The following DCLRE1B variants were observed in gnomAD, a reference collection of about 807,000 sequenced individuals.
DCLRE1B encodes DNA cross-link repair 1B, also known as 5' exonuclease Apollo.
Under a neutral mutation model 19.8 loss-of-function variants are expected in DCLRE1B, and 6 were observed. That is an observed-to-expected ratio of 0.30 (90% confidence interval 0.17 to 0.60). The LOEUF (loss-of-function observed/expected upper bound fraction) is 0.60. Ranked by LOEUF, DCLRE1B falls within the 20% of genes least tolerant of loss-of-function variation. The pLI is 0.87. For synonymous variants in DCLRE1B, 258 were observed against 255.7 expected (o/e 1.01, Z -0.09); for missense variants, 622 against 654.2 (o/e 0.95, Z 0.54).
At chr1:113,906,867 A>C in intron 1 of DCLRE1B, 129 bp from the exon 2 acceptor site, 8 of 989,144 alleles carry the variant, frequency 8.1e-6, no homozygotes, top group Non-Finnish European at 1.2e-5. Flanking sequence ...GGGAATCCCC[A>C]TTACAGCTTC....
At chr1:113,906,872 A>G in intron 1 of DCLRE1B, 124 bp from the exon 2 acceptor site, 1 of 1,030,516 alleles carries the variant, frequency 9.7e-7, no homozygotes, top group East Asian at 2.4e-5. Context: ...TCCCCATTAC[A>G]GCTTCTGCTC....
chr1:113,908,175 A>G lies in DCLRE1B; in HGVS notation c.522A>G (p.Gln174=), dbSNP rs1235962177. Residue 174 remains glutamine, a synonymous_variant, in exon 3 of 4, where the codon CAA becomes CAG. Coordinates refer to ENST00000650450, the MANE Select transcript of DCLRE1B (RefSeq NM_022836.4). ...TCCAGCTCATTCGAAAACACCCACA[A>G]CATAACATAAAGATTGGTGAGTTGT... is the stretch of plus-strand genomic sequence containing the variant. ...QIVQLIRKHP[Q]HNIKIGLYSL... The G allele has an allele frequency of 6.2e-7, 1 of 1,613,722 alleles. No homozygotes were observed. Among genetic ancestry groups the G allele is most frequent in the East Asian group, 2.2e-5 (1 of 44,870 alleles).
rs763252884 is a variant in DCLRE1B at position 113,908,078 on chromosome 1, T to C, written c.425T>C (p.Leu142Ser). Residue 142 changes from leucine (L) to serine (S), a missense_variant, in exon 3 of 4, where the codon TTA (leucine) becomes TCA (serine). Physicochemically the swap from Leu to Ser is moderately radical, Grantham distance 145 (BLOSUM62 -2). Coordinates refer to ENST00000650450, the MANE Select transcript of DCLRE1B (RefSeq NM_022836.4). Reference sequence around the variant, plus strand: ...ACACTGGGGAAACAGATCCATACTTTATACCTAGACAACACCAATTGCAAT... The same window carrying C: ...ACACTGGGGAAACAGATCCATACTTCATACCTAGACAACACCAATTGCAAT... ...ALTLGKQIHT[L>S]YLDNTNCNPA... 1.9e-6 allele frequency: 3 copies of C among 1,614,212 alleles called. No homozygotes were observed. The highest frequency in any genetic ancestry group is 1.7e-5 in the Admixed American group (1 of 60,024).
chr1:113,910,753 C>G (rs558896854), intron 3 of DCLRE1B, among the ~76,000 whole-genome samples: 1 of 152,300 alleles, frequency 6.6e-6, no homozygotes, highest in Admixed American at 6.5e-5. Flanking sequence ...GCCTCAGCCT[C>G]CTAAAATTGT....
In DCLRE1B at chr1:113,905,622, A is replaced by G. The variant is rs1330526655; in HGVS notation, c.36A>G (p.Ala12=). Residue 12 remains alanine (A), a synonymous_variant, in exon 1 of 4, where the codon GCA becomes GCG. Transcript: ENST00000650450. ...NGVLIPHTPI[A]VDFWSLRRAG... is the part of the protein sequence containing the mutation. ...TCCTGATCCCCCATACGCCCATCGC[A>G]GTGGACTTCTGGAGCCTGCGCCGGG... 1 of 1,614,150 alleles carries G rather than the reference A, an allele frequency of 6.2e-7. No homozygotes were observed. The highest frequency in any genetic ancestry group is 1.1e-5 in the South Asian group (1 of 91,086).
At position 113,906,046 on chromosome 1, in the gene DCLRE1B, CTTTTTTTTTTTTTTTT is replaced by C. The variant is rs1159693224; in HGVS notation, c.189+284_189+299del. ...CTAGGCCGATGTTTCCCAAACTTGC[CTTTTTTTTTTTTTTTT>C]TTTTTTTTTTTTGAGACGGAGTCTC... is the stretch of plus-strand genomic sequence containing the variant. On this transcript the variant is annotated intron_variant, in intron 1 of 3. Transcript: ENST00000650450. 1.2e-4 allele frequency among the ~76,000 whole-genome samples: 8 copies of C among 68,108 alleles called. No homozygotes were observed. In the South Asian group the frequency reaches 3.8e-3, roughly 32 times the overall value. 44.7% of individuals were successfully genotyped at this position (68,108 alleles called of 152,430 possible). A position where few individuals can be genotyped will look rare whatever the true frequency, so the allele number is the denominator to read the frequency against.
chr1:113,910,813 C>T (rs1370367489), intron 3 of DCLRE1B, among the ~76,000 whole-genome samples: 4 of 152,140 alleles, frequency 2.6e-5, no homozygotes, highest in Non-Finnish European at 5.9e-5. Context: ...ATATCTTTAA[C>T]GTTGCTCTTA....
At chr1:113,905,815 A>C in intron 1 of DCLRE1B, 40 bp downstream of exon 1, 2 of 1,578,132 alleles carry the variant, frequency 1.3e-6, no homozygotes, top group Middle Eastern at 1.7e-4. Context: ...TGGTCCAGGC[A>C]TCTGGGTTGG....
rs753234454 is a variant in DCLRE1B, at chr1:113,911,292, C to T, written c.700C>T (p.His234Tyr). 1.9e-6 allele frequency: 3 copies of T among 1,614,142 alleles called. No individual in the cohort carries two copies. In the South Asian group the frequency reaches 3.3e-5, roughly 18 times the overall value. ...EKAGRIHAVD[H>Y]MEICHSNMLR... Reference sequence around the variant, plus strand: ...GGCTGGCCGCATCCATGCAGTAGACCATATGGAGATCTGCCATTCCAACAT... The same window carrying T: ...GGCTGGCCGCATCCATGCAGTAGACTATATGGAGATCTGCCATTCCAACAT... The change falls in exon 4 of 4, where the codon CAT (histidine) becomes TAT (tyrosine). Residue 234 changes from histidine (H) to tyrosine (Y), a missense_variant. Physicochemically the swap from His to Tyr is moderately conservative, Grantham distance 83. Coordinates refer to ENST00000650450, the MANE Select transcript of DCLRE1B (RefSeq NM_022836.4).
At position 113,912,059 on chromosome 1, in the gene DCLRE1B, C is replaced by T. The variant is rs1436361626; in HGVS notation, c.1467C>T (p.Gly489=). Residue 489 remains glycine (G), a synonymous_variant, in exon 4 of 4, where the codon GGC becomes GGT. Transcript: ENST00000650450. ...CTCCCCTGTCCCACAGCAGCAAGGG[C>T]ACCCCTCTTCTAGCTACTGAATTCA... ...HGSPLSHSSK[G]TPLLATEFRG... The T allele has an allele frequency of 6.2e-7, 1 of 1,614,228 alleles. No individual in the cohort carries two copies. The highest frequency in any genetic ancestry group is 8.5e-7 in the Non-Finnish European group (1 of 1,180,038).
intron 2 of DCLRE1B, 41 bp downstream of exon 2, chr1:113,907,202 ATGTTTTTTTTTTT>A: frequency 4.9e-6 from 1 of 203,224 alleles, no homozygotes; most frequent in Non-Finnish European, 7.6e-6. Flanking sequence ...TCCAGACTAG[ATGTTTTTTTTTTT>A]TTTTTTTTTT....
At chr1:113,909,764 G>A (rs1669183356) in intron 3 of DCLRE1B, among the ~76,000 whole-genome samples, 1 of 152,148 alleles carries the variant, frequency 6.6e-6, no homozygotes. Flanking sequence ...AGGCAGTGGG[G>A]ATATAAAGAT....
chr1:113,909,958 G>T (rs149696489), intron 3 of DCLRE1B, among the ~76,000 whole-genome samples: 1 of 152,100 alleles, frequency 6.6e-6, no homozygotes, highest in Admixed American at 6.6e-5. Context: ...TTTTTATGGC[G>T]TTCACAATCT....
At chr1:113,909,907 C>T (rs943542763) in intron 3 of DCLRE1B, among the ~76,000 whole-genome samples, 5 of 152,056 alleles carry the variant, frequency 3.3e-5, no homozygotes, top group African/African-American at 1.2e-4. Flanking sequence ...AGATTTTGAA[C>T]CATAATCAGG....
At chr1:113,906,931 T>C in intron 1 of DCLRE1B, 65 bp from the exon 2 acceptor site, 2 of 1,580,700 alleles carry the variant, frequency 1.3e-6, no homozygotes, top group Non-Finnish European at 1.7e-6. Flanking sequence ...TAAGGGATAG[T>C]CCCTGACCCG....
intron 2 of DCLRE1B, among the ~76,000 whole-genome samples, chr1:113,907,465 T>G (rs956106310): frequency 7.3e-5 from 11 of 150,124 alleles, no homozygotes; most frequent in Non-Finnish European, 1.5e-4. Context: ...TTTCCCACTG[T>G]TTTTTTTTCC....
intron 2 of DCLRE1B, 40 bp downstream of exon 2, chr1:113,907,201 GATGT>G: frequency 2.0e-5 from 5 of 245,246 alleles, no homozygotes; most frequent in Non-Finnish European, 3.3e-5. Flanking sequence ...CTCCAGACTA[GATGT>G]TTTTTTTTTT....
In DCLRE1B at chr1:113,912,482, T is replaced by C. The variant is rs1409047918; in HGVS notation, c.*291T>C. The stretch of plus-strand genomic sequence containing the variant: ...AAGTCCTACAGTAACTTAATCTGTT[T>C]AACCTTGTTTAACCCAGTATTTCTC... On this transcript the variant is annotated 3_prime_UTR_variant, in exon 4 of 4. Coordinates refer to ENST00000650450, the MANE Select transcript of DCLRE1B (RefSeq NM_022836.4). 3 of 265,170 alleles carry C rather than the reference T, an allele frequency of 1.1e-5. No homozygotes were observed. Among genetic ancestry groups the C allele is most frequent in the African/African-American group, 6.7e-5 (3 of 44,954 alleles). The allele number at this position is 265,170 out of a possible 1,614,324, so 16.4% of individuals were successfully genotyped here.
intron 3 of DCLRE1B, among the ~76,000 whole-genome samples, chr1:113,908,794 C>G (rs1354644982): frequency 1.4e-5 from 2 of 146,946 alleles, no homozygotes; most frequent in East Asian, 3.8e-4. Flanking sequence ...GGCCCATGCA[C>G]ATACGCGTGC....
Sources: gnomAD v4.1 joint callset for allele counts (sites outside exome capture counted in the v4.1 genomes callset) on GRCh38, gnomAD v4.1.1 for gene constraint, MANE v1.5 for transcripts, NCBI Gene and HGNC (gene_info 2026-07-23, HGNC 2026-07-21) for gene names.